TFAP2E: variants seen among roughly 807,000 people sequenced by gnomAD.
The protein encoded by TFAP2E is transcription factor AP-2-epsilon.
TFAP2E carries 30 observed loss-of-function variants against 37.9 expected under a neutral mutation model. The observed-to-expected ratio is 0.79, with a 90% CI of 0.59 to 1.07. The LOEUF (loss-of-function observed/expected upper bound fraction) is 1.07. Among genes scored for constraint, TFAP2E ranks in the 50% least tolerant of loss-of-function variants. TFAP2E has a pLI of 0.00. For synonymous variants in TFAP2E, 318 were observed against 295.8 expected, an observed-to-expected ratio of 1.08 and a Z score of -0.77; for missense variants, 567 against 637.9, an observed-to-expected ratio of 0.89 and a Z score of 1.20.
At chr1:35,579,805 C>T (rs529947229) in intron 3 of TFAP2E, among the ~76,000 whole-genome samples, 1 of 152,324 alleles carries the variant, frequency 6.6e-6, no homozygotes, top group Admixed American at 6.5e-5. Flanking sequence ...CTCTCTGCCC[C>T]AGAAAGCAAC....
intron 3 of TFAP2E, among the ~76,000 whole-genome samples, chr1:35,583,691 C>T (rs563733829): frequency 6.6e-6 from 1 of 151,592 alleles, no homozygotes; most frequent in African/African-American, 2.4e-5. Flanking sequence ...ATCACTTCAG[C>T]TTCAGGAGTC....
In TFAP2E at chr1:35,573,981, C is replaced by T; in HGVS notation, c.82C>T (p.Pro28Ser). ...AAGGARLSSL[P>S]QAAYGPAPPL... ...CGGCGGGGCCCGCCTGTCGTCTCTG[C>T]CCCAGGCGGCCTACGGGCCGGCGCC... Residue 28 changes from proline to serine, a missense_variant, in exon 2 of 7, where the codon CCC becomes TCC. By Grantham distance (74) the Pro-to-Ser change is moderately conservative. Transcript: ENST00000373235. The surrounding 1 kb of genome is among the most constrained non-coding windows in gnomAD (Gnocchi z 5.9). The T allele has an allele frequency of 6.7e-7, 1 of 1,485,778 alleles. No homozygotes were observed. Among genetic ancestry groups the T allele is most frequent in the East Asian group, 2.8e-5 (1 of 35,656 alleles). The allele number at this position is 1,485,778 out of a possible 1,614,324, so 92.0% of individuals were successfully genotyped here.
At chr1:35,575,499 T>G (rs1649143558) in intron 3 of TFAP2E, among the ~76,000 whole-genome samples, 1 of 152,160 alleles carries the variant, frequency 6.6e-6, no homozygotes, top group South Asian at 2.1e-4. Flanking sequence ...CATTTAGACT[T>G]AGGGGAGCTT....
chr1:35,587,653 A>AAAAAAAAAAG (rs796133136), intron 3 of TFAP2E, among the ~76,000 whole-genome samples: 15 of 147,780 alleles, frequency 1.0e-4, no homozygotes, highest in East Asian at 6.1e-4. Context: ...AAAAAAAAAA[A>AAAAAAAAAAG]AAAGAAAGAA....
chr1:35,580,617 A>G (rs940010336), intron 3 of TFAP2E, among the ~76,000 whole-genome samples: 3 of 151,852 alleles, frequency 2.0e-5, no homozygotes, highest in Admixed American at 1.3e-4. Flanking sequence ...AAACAAACCA[A>G]AAAAAACATT....
rs1649126214 is a variant in TFAP2E at position 35,574,938 on chromosome 1, G to C, written c.511-11G>C. On this transcript the variant is annotated splice_polypyrimidine_tract_variant and intron_variant, in intron 2 of 6. Transcript: ENST00000373235. ...TTATGCGCCCTCACCGCTGCCCTCTGCTATTTGCAGGCAATGGACGAGCCG... is the reference window on the plus strand; with the variant it reads ...TTATGCGCCCTCACCGCTGCCCTCTCCTATTTGCAGGCAATGGACGAGCCG... The C allele has an allele frequency of 6.2e-7, 1 of 1,613,884 alleles. No homozygotes were observed. Among genetic ancestry groups the C allele is most frequent in the Non-Finnish European group, 8.5e-7 (1 of 1,180,006 alleles).
At chr1:35,580,516 T>C (rs1006279468) in intron 3 of TFAP2E, among the ~76,000 whole-genome samples, 4 of 152,046 alleles carry the variant, frequency 2.6e-5, no homozygotes, top group African/African-American at 9.7e-5. Flanking sequence ...ATCCCAGCAC[T>C]TTGGGAGGCC....
intron 6 of TFAP2E, among the ~76,000 whole-genome samples, chr1:35,591,276 G>A (rs1172607817): frequency 1.3e-5 from 2 of 152,154 alleles, no homozygotes; most frequent in African/African-American, 2.4e-5. Flanking sequence ...ATCAGGAACA[G>A]TGATGTCACA....
intron 4 of TFAP2E, 79 bp from the exon 5 acceptor site, chr1:35,589,851 C>T (rs1464317580): frequency 6.8e-7 from 1 of 1,472,430 alleles, no homozygotes; most frequent in Admixed American, 1.7e-5. Flanking sequence ...GGCAACAAGG[C>T]CCTTTGGCAG....
At position 35,573,786 on chromosome 1, in the gene TFAP2E, CG is replaced by C; in HGVS notation, c.28-138del. The C allele has an allele frequency of 7.3e-7, 1 of 1,368,022 alleles. No individual in the cohort carries two copies. The highest frequency in any genetic ancestry group is 9.5e-7 in the Non-Finnish European group (1 of 1,050,588). The allele number at this position is 1,368,022 out of a possible 1,614,324, so 84.7% of individuals were successfully genotyped here. On this transcript the variant is annotated intron_variant, in intron 1 of 6. Transcript: ENST00000373235. This position sits in a 1 kb window ranked among gnomAD's most constrained non-coding sequence, Gnocchi z 5.9. ...CCCCAGCCTGAGGCTCCTGCGCCCG[CG>C]GGTGGCTCGGAAATAAACCTCGGGC...
Position 35,590,782 on chromosome 1 carries a change from GA to G in TFAP2E, c.1046+8del. ...GCATGCTGCTGGCTGCCAAGTGAGT[GA>G]GGGCACCCTGCACAGGCACACGTGG... On this transcript the variant is annotated splice_region_variant and intron_variant, in intron 6 of 6. Transcript: ENST00000373235. The surrounding 1 kb of genome is among the most constrained non-coding windows in gnomAD (Gnocchi z 6.2). 7.0e-7 allele frequency: 1 copy of G among 1,432,360 alleles called. No individual in the cohort carries two copies. 88.7% of individuals were successfully genotyped at this position (1,432,360 alleles called of 1,614,324 possible).
Position 35,589,910 on chromosome 1 carries a change from C to G in TFAP2E, c.786-20C>G. ...CTTGTCTTCATAGTTGTATGTCTGT[C>G]TGTCTCTGTGCATGTCAAGGGCCAA... On this transcript the variant is annotated intron_variant, in intron 4 of 6. Coordinates refer to ENST00000373235, the MANE Select transcript of TFAP2E (RefSeq NM_178548.4). 6.2e-7 allele frequency: 1 copy of G among 1,612,184 alleles called. No individual in the cohort carries two copies. Among genetic ancestry groups the G allele is most frequent in the African/African-American group, 1.3e-5 (1 of 75,006 alleles).
Position 35,573,842 on chromosome 1 carries a change from C to A in TFAP2E, c.28-85C>A, listed in dbSNP as rs1649082159. Reference sequence around the variant, plus strand: ...AGAAACGGGAGGGACTGCAGCTGAACCCTCCCGAGCTGAGGAGGATCCTTT... The same window carrying A: ...AGAAACGGGAGGGACTGCAGCTGAAACCTCCCGAGCTGAGGAGGATCCTTT... On this transcript the variant is annotated intron_variant, in intron 1 of 6. Coordinates refer to ENST00000373235, the MANE Select transcript of TFAP2E (RefSeq NM_178548.4). This position sits in a 1 kb window ranked among gnomAD's most constrained non-coding sequence, Gnocchi z 5.9. 3 of 1,386,776 alleles carry A rather than the reference C, an allele frequency of 2.2e-6. No individual in the cohort carries two copies. The highest frequency in any genetic ancestry group is 3.0e-5 in the African/African-American group (2 of 65,578). The allele number at this position is 1,386,776 out of a possible 1,614,324, so 85.9% of individuals were successfully genotyped here.
In TFAP2E at chr1:35,590,076, G is replaced by A. The variant is rs772231751; in HGVS notation, c.904+28G>A. The A allele has an allele frequency of 1.2e-6, 2 of 1,605,514 alleles. No individual in the cohort carries two copies. Among genetic ancestry groups the A allele is most frequent in the Non-Finnish European group, 1.7e-6 (2 of 1,172,624 alleles). On this transcript the variant is annotated intron_variant, in intron 5 of 6. Coordinates refer to ENST00000373235, the MANE Select transcript of TFAP2E (RefSeq NM_178548.4). This position sits in a 1 kb window ranked among gnomAD's most constrained non-coding sequence, Gnocchi z 6.2. ...GAGTGAGGCCTGAAGGTGGGCATGGGAGTGGATGTGAGGGCAAGTGAGTTG... is the reference window on the plus strand; with the variant it reads ...GAGTGAGGCCTGAAGGTGGGCATGGAAGTGGATGTGAGGGCAAGTGAGTTG...
At position 35,573,398 on chromosome 1, in the gene TFAP2E, C is replaced by T. The variant is rs11264176; in HGVS notation, c.-180C>T. ...CCCGTCCGTCCTGCCTCCATGGACC[C>T]GCCCGGGAACGGCCACCGCTGAGGA... On this transcript the variant is annotated 5_prime_UTR_variant, in exon 1 of 7. Coordinates refer to ENST00000373235, the MANE Select transcript of TFAP2E (RefSeq NM_178548.4). The surrounding 1 kb of genome is among the most constrained non-coding windows in gnomAD (Gnocchi z 5.9). The T allele has an allele frequency of 0.022, 17,000 of 759,814 alleles. 1,057 individuals carry two copies. The highest frequency in any genetic ancestry group is 0.21 in the East Asian group (6,191 of 29,034). 47.1% of individuals were successfully genotyped at this position (759,814 alleles called of 1,614,324 possible). A position where few individuals can be genotyped will look rare whatever the true frequency, so the allele number is the denominator to read the frequency against.
Position 35,590,179 on chromosome 1 carries a change from G to A in TFAP2E, c.904+131G>A. On this transcript the variant is annotated intron_variant, in intron 5 of 6. Coordinates refer to ENST00000373235, the MANE Select transcript of TFAP2E (RefSeq NM_178548.4). The surrounding 1 kb of genome is among the most constrained non-coding windows in gnomAD (Gnocchi z 6.2). ...TCCGTGTAAGTGTTGCAGTATCTGT[G>A]TGCGTATTCTCTGTCATGTATAAGG... 1 of 828,684 alleles carries A rather than the reference G, an allele frequency of 1.2e-6. No homozygotes were observed. Among genetic ancestry groups the A allele is most frequent in the Non-Finnish European group, 2.0e-6 (1 of 499,904 alleles). 51.3% of individuals were successfully genotyped at this position (828,684 alleles called of 1,614,324 possible). A position where few individuals can be genotyped will look rare whatever the true frequency, so the allele number is the denominator to read the frequency against.
rs1248873710 is a variant in TFAP2E, at chr1:35,577,891, G to A, written c.562+2891G>A. ...GCTGAGGCCGACCCTAGGAGTATAAGGGAGCCCTCCATTTCCTGCCCACAT... is the reference window on the plus strand; with the variant it reads ...GCTGAGGCCGACCCTAGGAGTATAAAGGAGCCCTCCATTTCCTGCCCACAT... On this transcript the variant is annotated intron_variant, in intron 3 of 6. Coordinates refer to ENST00000373235, the MANE Select transcript of TFAP2E (RefSeq NM_178548.4). The surrounding 1 kb of genome is among the most constrained non-coding windows in gnomAD (Gnocchi z 6.3). Among the ~76,000 whole-genome samples, 2 of 152,196 alleles carry A rather than the reference G, an allele frequency of 1.3e-5. No individual in the cohort carries two copies. The highest frequency in any genetic ancestry group is 1.9e-4 in the East Asian group (1 of 5,184).
At position 35,588,896 on chromosome 1, in the gene TFAP2E, G is replaced by A. The variant is rs1222488376; in HGVS notation, c.785+344G>A. Among the ~76,000 whole-genome samples, 2 of 152,180 alleles carry A rather than the reference G, an allele frequency of 1.3e-5. No individual in the cohort carries two copies. The highest frequency in any genetic ancestry group is 1.3e-4 in the Admixed American group (2 of 15,274). ...TTCTAGGAAATGAACCCCAGGACCCGAGGCCCATTCTGCGCGGCAGCATAG... is the reference window on the plus strand; with the variant it reads ...TTCTAGGAAATGAACCCCAGGACCCAAGGCCCATTCTGCGCGGCAGCATAG... On this transcript the variant is annotated intron_variant, in intron 4 of 6. Transcript: ENST00000373235. This position sits in a 1 kb window ranked among gnomAD's most constrained non-coding sequence, Gnocchi z 5.1.
chr1:35,573,461 G>A lies in TFAP2E; in HGVS notation c.-117G>A. On this transcript the variant is annotated 5_prime_UTR_variant, in exon 1 of 7. Transcript: ENST00000373235. The surrounding 1 kb of genome is among the most constrained non-coding windows in gnomAD (Gnocchi z 5.9). ...TAGGATCCCGGCTGGGTCGCACCCA[G>A]CTACCGCACCGTGACCTCCGCGGGC... 7.5e-7 allele frequency: 1 copy of A among 1,325,876 alleles called. No individual in the cohort carries two copies. The allele number at this position is 1,325,876 out of a possible 1,614,324, so 82.1% of individuals were successfully genotyped here. A position where few individuals can be genotyped will look rare whatever the true frequency, so the allele number is the denominator to read the frequency against.
Sources: allele counts gnomAD v4.1 joint callset (sites outside exome capture counted in the v4.1 genomes callset), GRCh38; gene constraint gnomAD v4.1.1; non-coding constraint Gnocchi (gnomAD v3.1); transcripts MANE v1.5; gene names NCBI Gene and HGNC (gene_info 2026-07-23, HGNC 2026-07-21).